Variants in CASD1 observed in about 807,000 individuals in gnomAD.
The protein encoded by CASD1 is CAS1 domain sialic acid O acetyltransferase 1.
Under a neutral mutation model 100.0 loss-of-function variants are expected in CASD1, and 41 were observed. The observed-to-expected ratio is 0.41, with a 90% CI of 0.32 to 0.53. The LOEUF (loss-of-function observed/expected upper bound fraction) is 0.53. Among genes scored for constraint, CASD1 ranks in the 20% least tolerant of loss-of-function variants. The probability of loss-of-function intolerance (pLI) is 0.25; values close to 1 mark genes in which losing one functional copy is unlikely to be tolerated. For missense variants in CASD1, 774 were observed against 948.7 expected (o/e 0.82, Z 2.42); for synonymous variants, 321 against 315.6 (o/e 1.02, Z -0.18).
the CASD1 span, chr7:94,585,558 C>G: frequency 7.3e-7 from 1 of 1,365,218 alleles, no homozygotes. Context: ...TTAGTCAGGG[C>G]ATGGATACTT....
At chr7:94,535,607 A>T in intron 8 of CASD1, 84 bp downstream of exon 8, 2 of 979,262 alleles carry the variant, frequency 2.0e-6, no homozygotes, top group Non-Finnish European at 3.1e-6. Flanking sequence ...ATGGTTATAA[A>T]TAATTTGTTT....
chr7:94,598,552 A>T, the CASD1 span: 4 of 554,212 alleles, frequency 7.2e-6, no homozygotes, highest in Non-Finnish European at 9.7e-6. Context: ...ATTAAGGTAT[A>T]TGTAGTCTTG....
chr7:94,558,669 CAAGGTGTATTCTGG>C (rs936797433), downstream of CASD1, among the ~76,000 whole-genome samples: 20 of 152,112 alleles, frequency 1.3e-4, no homozygotes, highest in Admixed American at 1.1e-3. Flanking sequence ...ACTTATTTGG[CAAGGTGTATTCTGG>C]CTCATTTTCT....
At chr7:94,541,444 A>G (rs903653003) in intron 10 of CASD1, among the ~76,000 whole-genome samples, 6 of 151,324 alleles carry the variant, frequency 4.0e-5, no homozygotes, top group African/African-American at 1.2e-4. Flanking sequence ...ATTTTAAAGT[A>G]TAATATATAT....
chr7:94,551,189 A>C (rs1795928660), intron 14 of CASD1, 149 bp from the exon 15 acceptor site: 1 of 465,508 alleles, frequency 2.1e-6, no homozygotes, highest in South Asian at 4.6e-5. Flanking sequence ...CATTTCTTGA[A>C]GTTTCACTCT....
At chr7:94,512,533 A>T (rs1399201443) in intron 1 of CASD1, among the ~76,000 whole-genome samples, 2 of 152,204 alleles carry the variant, frequency 1.3e-5, no homozygotes, top group Admixed American at 6.5e-5. Context: ...TAAAGGAAAG[A>T]ATTACCCACT....
At chr7:94,600,680 G>A in the CASD1 span, 1 of 1,613,730 alleles carries the variant, frequency 6.2e-7, no homozygotes, top group Non-Finnish European at 8.5e-7. Flanking sequence ...ATATAAGCAA[G>A]TATTAGAAAA....
At chr7:94,618,566 T>C in the CASD1 span, 1 of 566,026 alleles carries the variant, frequency 1.8e-6, no homozygotes, top group South Asian at 2.3e-5. Flanking sequence ...GACCAGGAAC[T>C]TGAGATATAA....
intron 7 of CASD1, among the ~76,000 whole-genome samples, chr7:94,534,778 A>C (rs1328715708): frequency 2.0e-5 from 3 of 152,192 alleles, no homozygotes; most frequent in Non-Finnish European, 4.4e-5. Flanking sequence ...TCACAGACTC[A>C]TTGTTAACCT....
rs1486820058 is a variant in CASD1, at chr7:94,555,495, T to C, written c.2131T>C (p.Phe711Leu). ...ACTTAAATATTTTTTCTCCTAGCTA[T>C]TTATTTGCCAGTATCACATATGGCT... ...AWFGKISLEL[F>L]ICQYHIWLAA... Residue 711 changes from phenylalanine (F) to leucine (L), a missense_variant, in exon 18 of 18, where the codon TTT becomes CTT. By Grantham distance (22) the Phe-to-Leu change is conservative. This residue lies in a region of CASD1 where 175 missense variants were observed against 206.9 expected (regional missense o/e 0.85). Transcript: ENST00000297273. 4 of 1,611,162 alleles carry C rather than the reference T, an allele frequency of 2.5e-6. No homozygotes were observed. The highest frequency in any genetic ancestry group is 3.4e-6 in the Non-Finnish European group (4 of 1,178,382).
chr7:94,588,508 G>C, the CASD1 span: 1 of 1,428,308 alleles, frequency 7.0e-7, no homozygotes. Flanking sequence ...TTATCATTCT[G>C]ATGCCAATCT....
Position 94,527,147 on chromosome 7 carries a change from C to T in CASD1, c.352-15C>T. 2 of 1,596,616 alleles carry T rather than the reference C, an allele frequency of 1.3e-6. No homozygotes were observed. Among genetic ancestry groups the T allele is most frequent in the Non-Finnish European group, 1.7e-6 (2 of 1,165,962 alleles). On this transcript the variant is annotated splice_polypyrimidine_tract_variant and intron_variant, in intron 3 of 17. Transcript: ENST00000297273. ...AATCTATACATTAATATTTCTCTGT[C>T]TCCTTTTATGGCAGCATGAAAACAT...
intron 3 of CASD1, among the ~76,000 whole-genome samples, chr7:94,521,673 C>CATAT (rs1162459154): frequency 1.7e-4 from 26 of 152,106 alleles, no homozygotes; most frequent in Admixed American, 1.7e-3. Context: ...ATGTACCATA[C>CATAT]ATATACATAT....
the CASD1 span, chr7:94,623,904 T>TA: frequency 2.8e-6 from 1 of 361,004 alleles, no homozygotes; most frequent in Non-Finnish European, 4.9e-6. Context: ...ATATCTCACT[T>TA]ACGATGGGAG....
At chr7:94,552,979 A>G (rs1475524208) in intron 16 of CASD1, among the ~76,000 whole-genome samples, 24 of 152,288 alleles carry the variant, frequency 1.6e-4, no homozygotes, top group Admixed American at 1.4e-3. Flanking sequence ...CATGCTAGAT[A>G]TTATGCCAAG....
chr7:94,580,866 G>A, the CASD1 span, among the ~76,000 whole-genome samples: 1 of 152,120 alleles, frequency 6.6e-6, no homozygotes, highest in African/African-American at 2.4e-5. Flanking sequence ...GAATTAACAG[G>A]GAGTAGTCAG....
intron 3 of CASD1, chr7:94,524,274 C>G (rs367852074): frequency 6.6e-6 from 1 of 151,520 alleles, no homozygotes; most frequent in Admixed American, 6.6e-5. Context: ...CAAAAGATAC[C>G]TTAAAGAAAA....
At chr7:94,516,034 A>T (rs746426074) in intron 1 of CASD1, among the ~76,000 whole-genome samples, 30 of 151,974 alleles carry the variant, frequency 2.0e-4, no homozygotes, top group Non-Finnish European at 3.1e-4. Context: ...ATCCTTAGTT[A>T]TTTATGTAGC....
chr7:94,578,100 G>C, the CASD1 span, among the ~76,000 whole-genome samples: 1 of 152,132 alleles, frequency 6.6e-6, no homozygotes, highest in Non-Finnish European at 1.5e-5. Flanking sequence ...ACCCTGGATT[G>C]CTAAAAGTGT....
Sources: allele counts gnomAD v4.1 joint callset (sites outside exome capture counted in the v4.1 genomes callset), GRCh38; gene constraint gnomAD v4.1.1; regional missense constraint gnomAD v4.1.1; transcripts MANE v1.5; gene names NCBI Gene and HGNC (gene_info 2026-07-23, HGNC 2026-07-21).